The following SLC33A2 variants were observed in gnomAD, a reference collection of about 807,000 sequenced individuals.
SLC33A2 encodes major facilitator superfamily domain containing 3.
At chr8:144,509,435 C>T in the SLC33A2 span, 13 of 1,532,736 alleles carry the variant, frequency 8.5e-6, no homozygotes, top group South Asian at 7.2e-5. Context: ...GTGCCGGCGG[C>T]CTCTCGCTGA....
the SLC33A2 span, chr8:144,510,957 G>A: frequency 1.9e-6 from 3 of 1,599,454 alleles, no homozygotes; most frequent in East Asian, 2.2e-5. Context: ...GGCTGTGTGG[G>A]CCTGACCTTG....
At chr8:144,511,160 T>C in the SLC33A2 span, 2 of 1,609,452 alleles carry the variant, frequency 1.2e-6, no homozygotes, top group Non-Finnish European at 1.7e-6. Context: ...AGCACCTTTC[T>C]CTGAGCTGAG....
At chr8:144,509,201 A>G in the SLC33A2 span, 1 of 915,082 alleles carries the variant, frequency 1.1e-6, no homozygotes. Context: ...AGCCTGTACG[A>G]CGCTGACTCT....
At chr8:144,510,375 G>A in the SLC33A2 span, 22 of 1,612,286 alleles carry the variant, frequency 1.4e-5, no homozygotes, top group African/African-American at 2.3e-4. Context: ...CAGGGTGCCA[G>A]CAGCCTGTTT....
the SLC33A2 span, chr8:144,511,143 A>G: frequency 1.2e-6 from 2 of 1,610,154 alleles, no homozygotes; most frequent in East Asian, 4.5e-5. Context: ...ACCTGGACCT[A>G]GCACCCAGCA....
the SLC33A2 span, chr8:144,510,761 A>G: frequency 6.2e-7 from 1 of 1,608,494 alleles, no homozygotes; most frequent in Non-Finnish European, 8.5e-7. Context: ...AGGGGCCAGG[A>G]GCCTGGGGCA....
chr8:144,511,056 C>T, the SLC33A2 span: 528 of 1,606,534 alleles, frequency 3.3e-4, 1 homozygote, highest in Non-Finnish European at 3.8e-4. Context: ...GCACTCTGGC[C>T]GGAGGCCTGG....
the SLC33A2 span, chr8:144,511,006 C>T: frequency 5.6e-4 from 900 of 1,601,508 alleles, 1 homozygote; most frequent in Non-Finnish European, 7.0e-4. Context: ...ACACTACAGC[C>T]TTCTGGCCAC....
At chr8:144,511,166 C>T in the SLC33A2 span, 1 of 1,608,314 alleles carries the variant, frequency 6.2e-7, no homozygotes, top group Non-Finnish European at 8.5e-7. Context: ...TTTCTCTGAG[C>T]TGAGTGGCTG....
chr8:144,509,896 G>C, the SLC33A2 span: 1 of 1,550,252 alleles, frequency 6.5e-7, no homozygotes, highest in South Asian at 1.2e-5. Flanking sequence ...CCAGCCCTGC[G>C]GCGGCTCCCA....
At chr8:144,509,953 G>C in the SLC33A2 span, 3 of 1,594,728 alleles carry the variant, frequency 1.9e-6, no homozygotes, top group South Asian at 1.1e-5. Flanking sequence ...CACCTTCTGC[G>C]GGACGTGCTA....
At chr8:144,510,522 G>A in the SLC33A2 span, 55 of 1,612,222 alleles carry the variant, frequency 3.4e-5, no homozygotes, top group Non-Finnish European at 4.4e-5. Flanking sequence ...GCCCTCCCCA[G>A]TGTACCCTGC....
the SLC33A2 span, chr8:144,510,034 CAGG>C: frequency 6.3e-7 from 1 of 1,583,858 alleles, no homozygotes; most frequent in Non-Finnish European, 8.5e-7. Flanking sequence ...GGCCTCGAGC[CAGG>C]CAACAGCAGT....
At chr8:144,510,127 C>A in the SLC33A2 span, 1 of 1,370,224 alleles carries the variant, frequency 7.3e-7, no homozygotes, top group Non-Finnish European at 9.8e-7. Flanking sequence ...TGGGGTATGA[C>A]CTGCAAGACT....
the SLC33A2 span, chr8:144,509,149 GTGT>G: frequency 1.8e-6 from 1 of 561,122 alleles, no homozygotes; most frequent in Admixed American, 4.2e-5. Context: ...TTCTTCTGGG[GTGT>G]TGATGCTCCT....
chr8:144,510,574 A>AC, the SLC33A2 span: 1 of 1,595,368 alleles, frequency 6.3e-7, no homozygotes, highest in East Asian at 2.2e-5. Flanking sequence ...CACTATACTG[A>AC]CCCATTTCCC....
chr8:144,509,912 G>T, the SLC33A2 span: 2 of 1,561,848 alleles, frequency 1.3e-6, no homozygotes, highest in East Asian at 2.4e-5. Context: ...TCCCACAGCA[G>T]CCCCCTTCCG....
At chr8:144,509,835 C>G in the SLC33A2 span, 2 of 1,537,252 alleles carry the variant, frequency 1.3e-6, no homozygotes, top group Admixed American at 1.9e-5. Flanking sequence ...GCAACTCTTT[C>G]TGCTCCTGGC....
the SLC33A2 span, chr8:144,509,851 C>CCTA: frequency 6.5e-7 from 1 of 1,538,450 alleles, no homozygotes; most frequent in South Asian, 1.2e-5. Context: ...CTGGCTGCCA[C>CCTA]CTACTGGCTG....
Sources: gnomAD v4.1 joint callset for allele counts on GRCh38, gnomAD v4.1.1 for gene constraint, MANE v1.5 for transcripts, NCBI Gene and HGNC (gene_info 2026-07-23, HGNC 2026-07-21) for gene names.